The following CDH23 variants were observed in gnomAD, a reference collection of about 807,000 sequenced individuals.
The protein encoded by CDH23 is cadherin-23.
In CDH23, 189 loss-of-function variants were observed where a neutral mutation model predicts 317.1. The observed-to-expected ratio is 0.60, with a 90% CI of 0.53 to 0.67. The LOEUF (loss-of-function observed/expected upper bound fraction) is 0.67. Ranked by LOEUF, CDH23 falls within the 30% of genes least tolerant of loss-of-function variation. CDH23 has a pLI of 0.00. For synonymous variants in CDH23, 1,839 were observed against 1,876.8 expected, an observed-to-expected ratio of 0.98 and a Z score of 0.52; for missense variants, 4,401 against 4,592.4, an observed-to-expected ratio of 0.96 and a Z score of 1.20.
rs865814152 is a variant in CDH23 at position 71,759,972 on chromosome 10, C to T, written c.4846-17708C>T. Among the ~76,000 whole-genome samples the T allele has an allele frequency of 2.3e-3, 191 of 83,028 alleles. 1 individual carries two copies. The highest frequency in any genetic ancestry group is 4.2e-3 in the South Asian group (10 of 2,400). The allele number at this position is 83,028 out of a possible 152,430, so 54.5% of individuals were successfully genotyped here. ...ATATATATACACACACATATATATA[C>T]ACACACACATATATATACACACACA... On this transcript the variant is annotated intron_variant, in intron 38 of 69. Coordinates refer to ENST00000224721, the MANE Select transcript of CDH23 (RefSeq NM_022124.6).
intron 3 of CDH23, among the ~76,000 whole-genome samples, chr10:71,473,288 T>C (rs1394943062): frequency 2.6e-5 from 4 of 152,312 alleles, no homozygotes; most frequent in East Asian, 1.9e-4. Context: ...GAAGTACAGG[T>C]TCTCCACAGC....
chr10:71,425,232 G>GGAGAGAGAGAGAGAGAGA (rs748338206), intron 1 of CDH23, among the ~76,000 whole-genome samples: 19 of 73,960 alleles, frequency 2.6e-4, no homozygotes, highest in African/African-American at 7.9e-4. Context: ...AGAGAGAGAG[G>GGAGAGAGAGAGAGAGAGA]GAGAGAGAGA....
At chr10:71,747,188 T>G (rs1022630908) in intron 38 of CDH23, among the ~76,000 whole-genome samples, 1 of 152,170 alleles carries the variant, frequency 6.6e-6, no homozygotes, top group African/African-American at 2.4e-5. Context: ...GGGGCTCAGC[T>G]GCTGAGGGTT....
In CDH23 at chr10:71,724,618, C is replaced by T. The variant is rs117587776; in HGVS notation, c.3430+513C>T. Among the ~76,000 whole-genome samples the T allele has an allele frequency of 1.8e-4, 28 of 152,268 alleles. 2 individuals are homozygous for T. The East Asian group carries it at 5.4e-3, about 29-fold the overall frequency. On this transcript the variant is annotated intron_variant, in intron 29 of 69. Transcript: ENST00000224721. ...TGCCCCTGGGTTGGCTTTTGATTGC[C>T]GTGTTCCTGAAGTCCTGCTGTCCTG...
chr10:71,715,650 T>C (rs1866181735), intron 28 of CDH23: 2 of 302,020 alleles, frequency 6.6e-6, no homozygotes, highest in Non-Finnish European at 1.2e-5. Flanking sequence ...GGTTGTACCC[T>C]GTGGAGCCTC....
chr10:71,613,879 C>G (rs1156237435), intron 9 of CDH23, among the ~76,000 whole-genome samples: 1 of 152,236 alleles, frequency 6.6e-6, no homozygotes, highest in Admixed American at 6.5e-5. Flanking sequence ...CCTGCCCATT[C>G]TCCAGGAACC....
At chr10:71,597,263 G>A (rs1017175425) in intron 9 of CDH23, among the ~76,000 whole-genome samples, 8 of 152,174 alleles carry the variant, frequency 5.3e-5, no homozygotes, top group East Asian at 1.9e-4. Flanking sequence ...GCTGGTCTCC[G>A]TCTTTCTCCC....
rs180708869 is a variant in CDH23 at position 71,693,544 on chromosome 10, T to C, written c.2177-603T>C. ...TTGGATAGGTTGAACTGTCCAGTAA[T>C]GAGTCACAAGTTAGACGCATGTGAA... On this transcript the variant is annotated intron_variant, in intron 20 of 69. Transcript: ENST00000224721. Among the ~76,000 whole-genome samples, 8 of 152,334 alleles carry C rather than the reference T, an allele frequency of 5.3e-5. No individual in the cohort carries two copies. In the East Asian group the frequency reaches 1.3e-3, roughly 26 times the overall value.
chr10:71,694,316 C>G, intron 21 of CDH23, 57 bp downstream of exon 21: 1 of 1,313,912 alleles, frequency 7.6e-7, no homozygotes, highest in Non-Finnish European at 1.1e-6. Context: ...GCTGCTGCTC[C>G]CTGCTTGTAC....
intron 38 of CDH23, among the ~76,000 whole-genome samples, chr10:71,765,194 C>G (rs1840504500): frequency 6.6e-6 from 1 of 152,264 alleles, no homozygotes; most frequent in South Asian, 2.1e-4. Context: ...CTCCCAGCTT[C>G]TGCCCCTTTC....
At chr10:71,709,028 G>A (rs1291122541) in intron 26 of CDH23, 70 bp from the exon 27 acceptor site, 17 of 1,405,798 alleles carry the variant, frequency 1.2e-5, no homozygotes, top group Non-Finnish European at 1.7e-5. Flanking sequence ...CAGCTCAGGA[G>A]CAGAGTCCCC....
At chr10:71,723,716 G>A (rs1215078767) in intron 28 of CDH23, among the ~76,000 whole-genome samples, 1 of 152,166 alleles carries the variant, frequency 6.6e-6, no homozygotes, top group Non-Finnish European at 1.5e-5. Flanking sequence ...GGAATGTGGA[G>A]GGATGGAACA....
chr10:71,785,637 A>T lies in CDH23; in HGVS notation c.5719A>T (p.Ile1907Phe), dbSNP rs755582881. The T allele has an allele frequency of 6.3e-7, 1 of 1,593,696 alleles. No individual in the cohort carries two copies. The highest frequency in any genetic ancestry group is 8.6e-7 in the Non-Finnish European group (1 of 1,169,152). ...ACCACCCTCCACATCCCAGACAGGG[A>T]TCGTCACTGTGAACCGGCCCCTGGA... is the stretch of plus-strand genomic sequence containing the variant. ...RAFFINATTGIVTVNRPLDRE... is the reference protein window; with the variant it reads ...RAFFINATTGFVTVNRPLDRE... Residue 1907 changes from isoleucine (I) to phenylalanine (F), a missense_variant, in exon 44 of 70, where the codon ATC (isoleucine) becomes TTC (phenylalanine). Coordinates refer to ENST00000224721, the MANE Select transcript of CDH23 (RefSeq NM_022124.6).
chr10:71,761,002 C>CCCT, intron 38 of CDH23: 1 of 1,434,124 alleles, frequency 7.0e-7, no homozygotes, highest in Non-Finnish European at 9.8e-7. Context: ...GCCAGTGTCC[C>CCCT]CCTCCTGCCC....
chr10:71,579,640 A>C (rs571230140), intron 9 of CDH23, among the ~76,000 whole-genome samples: 1 of 152,178 alleles, frequency 6.6e-6, no homozygotes, highest in Non-Finnish European at 1.5e-5. Flanking sequence ...AGGTGCAGGC[A>C]GTCTTCAGAC....
chr10:71,562,349 T>C (rs1857176558), intron 6 of CDH23, among the ~76,000 whole-genome samples: 1 of 152,202 alleles, frequency 6.6e-6, no homozygotes, highest in Non-Finnish European at 1.5e-5. Flanking sequence ...TGCACGTTAA[T>C]AGGAGTGTCT....
At chr10:71,811,912 G>A in intron 65 of CDH23, 43 bp from the exon 66 acceptor site, 3 of 1,442,734 alleles carry the variant, frequency 2.1e-6, no homozygotes, top group Non-Finnish European at 2.7e-6. Flanking sequence ...CCCTACCCCT[G>A]GCTATGCCCC....
intron 3 of CDH23, among the ~76,000 whole-genome samples, chr10:71,494,396 C>G (rs193128815): frequency 6.6e-5 from 10 of 152,236 alleles, no homozygotes; most frequent in African/African-American, 2.2e-4. Flanking sequence ...TCATCTGGGG[C>G]TGGTACTGGA....
intron 11 of CDH23, among the ~76,000 whole-genome samples, chr10:71,626,343 G>A (rs545435695): frequency 6.6e-6 from 1 of 152,292 alleles, no homozygotes; most frequent in Admixed American, 6.5e-5. Flanking sequence ...ACGTCTGCTG[G>A]TTCTTAGAGC....
Sources: gnomAD v4.1 joint callset for allele counts (sites outside exome capture counted in the v4.1 genomes callset) on GRCh38, gnomAD v4.1.1 for gene constraint, MANE v1.5 for transcripts, NCBI Gene and HGNC (gene_info 2026-07-23, HGNC 2026-07-21) for gene names.